The following ABTB3 variants were observed in gnomAD, a reference collection of about 807,000 sequenced individuals.
The protein encoded by ABTB3 is ankyrin repeat and BTB domain containing 3, also known as ankyrin repeat- and BTB/POZ domain-containing protein 3.
the ABTB3 span, among the ~76,000 whole-genome samples, chr12:107,418,761 C>T: frequency 6.6e-6 from 1 of 152,234 alleles, no homozygotes; most frequent in Non-Finnish European, 1.5e-5. Context: ...TTCTCTAAGA[C>T]TCAGATATTC....
chr12:107,445,863 TCCC>T, the ABTB3 span, among the ~76,000 whole-genome samples: 1 of 106,350 alleles, frequency 9.4e-6, no homozygotes, highest in African/African-American at 3.5e-5. Flanking sequence ...TCTCCAAATC[TCCC>T]TCTCCCCTCT....
chr12:107,348,430 A>T, the ABTB3 span, among the ~76,000 whole-genome samples: 9 of 152,298 alleles, frequency 5.9e-5, no homozygotes, highest in South Asian at 2.1e-4. Flanking sequence ...AGAAAACAGA[A>T]GCAGTCAGAA....
At chr12:107,620,474 A>G in the ABTB3 span, among the ~76,000 whole-genome samples, 3 of 112,578 alleles carry the variant, frequency 2.7e-5, no homozygotes, top group Admixed American at 2.9e-4. Context: ...ATTATGAAAC[A>G]GTTGGTACAA....
the ABTB3 span, among the ~76,000 whole-genome samples, chr12:107,565,636 C>G: frequency 6.6e-6 from 1 of 152,210 alleles, no homozygotes; most frequent in African/African-American, 2.4e-5. Flanking sequence ...AGGCCTCCAT[C>G]TCTTGGTGAG....
chr12:107,575,232 C>T, the ABTB3 span, among the ~76,000 whole-genome samples: 1 of 152,168 alleles, frequency 6.6e-6, no homozygotes, highest in African/African-American at 2.4e-5. Flanking sequence ...AGGTTTGCAT[C>T]TATTTGTAAA....
At chr12:107,578,397 T>C in the ABTB3 span, among the ~76,000 whole-genome samples, 1 of 134,228 alleles carries the variant, frequency 7.5e-6, no homozygotes, top group Non-Finnish European at 1.6e-5. Context: ...TTTTTTTTTT[T>C]TTTTTTTTTT....
chr12:107,611,581 C>T, the ABTB3 span, among the ~76,000 whole-genome samples: 312 of 152,306 alleles, frequency 2.0e-3, 2 homozygotes, highest in African/African-American at 7.3e-3. Flanking sequence ...TTTCAAATTA[C>T]TTTTATTAAT....
the ABTB3 span, among the ~76,000 whole-genome samples, chr12:107,343,064 G>C: frequency 6.6e-6 from 1 of 152,150 alleles, no homozygotes; most frequent in Non-Finnish European, 1.5e-5. Flanking sequence ...ACCCAGGCTG[G>C]AGTGCAGGGG....
the ABTB3 span, among the ~76,000 whole-genome samples, chr12:107,603,254 T>C: frequency 1.1e-4 from 16 of 152,242 alleles, no homozygotes; most frequent in Non-Finnish European, 2.2e-4. Context: ...TTTGCAGAGT[T>C]AAACATTTCT....
At chr12:107,474,259 G>C in the ABTB3 span, among the ~76,000 whole-genome samples, 1 of 152,108 alleles carries the variant, frequency 6.6e-6, no homozygotes, top group Non-Finnish European at 1.5e-5. Context: ...CGTGTTTATT[G>C]AGCATGGATT....
chr12:107,436,588 C>A, the ABTB3 span, among the ~76,000 whole-genome samples: 1 of 152,220 alleles, frequency 6.6e-6, no homozygotes, highest in Non-Finnish European at 1.5e-5. Context: ...GCGAGTGACT[C>A]AGCATCCAGA....
At chr12:107,561,210 C>T in the ABTB3 span, among the ~76,000 whole-genome samples, 1 of 152,200 alleles carries the variant, frequency 6.6e-6, no homozygotes, top group Non-Finnish European at 1.5e-5. Context: ...AGCCACACCC[C>T]AGACCCTGGG....
chr12:107,438,712 C>A, the ABTB3 span, among the ~76,000 whole-genome samples: 2 of 152,252 alleles, frequency 1.3e-5, no homozygotes, highest in Admixed American at 1.3e-4. Context: ...GTTCTTGGAG[C>A]CATTCAATTT....
At chr12:107,393,092 C>G in the ABTB3 span, among the ~76,000 whole-genome samples, 1 of 152,106 alleles carries the variant, frequency 6.6e-6, no homozygotes, top group African/African-American at 2.4e-5. Flanking sequence ...CTGCAGCCGC[C>G]GCTGAAGAAG....
chr12:107,538,071 G>A, the ABTB3 span, among the ~76,000 whole-genome samples: 1 of 151,260 alleles, frequency 6.6e-6, no homozygotes, highest in Non-Finnish European at 1.5e-5. Context: ...CCCACTCTAT[G>A]CCCACCGAGA....
chr12:107,346,193 G>A, the ABTB3 span, among the ~76,000 whole-genome samples: 1 of 152,182 alleles, frequency 6.6e-6, no homozygotes, highest in Non-Finnish European at 1.5e-5. Context: ...TCTTTTGGGG[G>A]CTGCTGAAAT....
the ABTB3 span, among the ~76,000 whole-genome samples, chr12:107,588,820 C>T: frequency 1.3e-5 from 2 of 152,142 alleles, no homozygotes; most frequent in South Asian, 2.1e-4. Context: ...CCCACCCAGA[C>T]GGGTTCCATT....
chr12:107,380,467 G>A, the ABTB3 span, among the ~76,000 whole-genome samples: 3 of 152,178 alleles, frequency 2.0e-5, no homozygotes, highest in Non-Finnish European at 1.5e-5. Flanking sequence ...CAGGGAACAG[G>A]CTGAGTGAAC....
At chr12:107,518,367 T>C in the ABTB3 span, among the ~76,000 whole-genome samples, 763 of 152,206 alleles carry the variant, frequency 5.0e-3, 32 homozygotes, top group Admixed American at 0.047. Flanking sequence ...AACCCAAATG[T>C]CCATCAATAA....
Sources: allele counts gnomAD v4.1 joint callset (sites outside exome capture counted in the v4.1 genomes callset), GRCh38; gene constraint gnomAD v4.1.1; transcripts MANE v1.5; gene names NCBI Gene and HGNC (gene_info 2026-07-23, HGNC 2026-07-21).